The following ZBTB44 variants were observed in gnomAD, a reference collection of about 807,000 sequenced individuals.
ZBTB44 encodes the protein zinc finger and BTB domain containing 44.
ZBTB44 carries 15 observed loss-of-function variants against 54.0 expected under a neutral mutation model. That is an observed-to-expected ratio of 0.28 (90% CI 0.19 to 0.43). The LOEUF is 0.43. ZBTB44 is among the 20% of genes least tolerant of loss of function. The pLI is 1.00. For synonymous variants in ZBTB44, 230 were observed against 250.1 expected, an observed-to-expected ratio of 0.92 and a Z score of 0.76; for missense variants, 487 against 707.1, an observed-to-expected ratio of 0.69 and a Z score of 3.53.
chr11:130,306,778 A>C (rs1026597465), intron 1 of ZBTB44, among the ~76,000 whole-genome samples: 2 of 152,148 alleles, frequency 1.3e-5, no homozygotes, highest in Non-Finnish European at 2.9e-5. Flanking sequence ...ATTCTAAGTG[A>C]AGTAACTCAG....
At chr11:130,311,043 G>A (rs1942568522) in intron 1 of ZBTB44, among the ~76,000 whole-genome samples, 1 of 152,168 alleles carries the variant, frequency 6.6e-6, no homozygotes, top group African/African-American at 2.4e-5. Flanking sequence ...AGTATTTCAA[G>A]TGACTTTTGA....
At chr11:130,251,228 G>GA (rs1333990271) in intron 2 of ZBTB44, among the ~76,000 whole-genome samples, 1 of 150,050 alleles carries the variant, frequency 6.7e-6, no homozygotes, top group Non-Finnish European at 1.5e-5. Flanking sequence ...AATGAGGCAT[G>GA]AAGACAGGAT....
At chr11:130,259,570 T>C (rs1030927903) in intron 2 of ZBTB44, among the ~76,000 whole-genome samples, 3 of 152,088 alleles carry the variant, frequency 2.0e-5, no homozygotes, top group Non-Finnish European at 4.4e-5. Context: ...CTGTCAATAA[T>C]AGATTGGATA....
intron 1 of ZBTB44, among the ~76,000 whole-genome samples, chr11:130,307,725 C>G (rs1942357553): frequency 1.3e-5 from 2 of 152,074 alleles, no homozygotes; most frequent in African/African-American, 4.8e-5. Context: ...GTGGTGCAAT[C>G]TGGGCTCACT....
chr11:130,237,053 G>A lies in ZBTB44; in HGVS notation c.1308C>T (p.Phe436=). 3 of 1,597,468 alleles carry A rather than the reference G, an allele frequency of 1.9e-6. No individual in the cohort carries two copies. The highest frequency in any genetic ancestry group is 2.6e-6 in the Non-Finnish European group (3 of 1,172,530). ...PFQCDRCGKK[F]TRAYSLKMHR... ...GCATCTTTAGCGAGTAAGCCCTGGT[G>A]AACTTTTTCCCACAGCGGTCACACT... is the stretch of plus-strand genomic sequence containing the variant. Residue 436 remains phenylalanine, a synonymous_variant, in exon 5 of 8, where the codon TTC becomes TTT. Coordinates refer to ENST00000357899, the MANE Select transcript of ZBTB44 (RefSeq NM_001301098.2).
chr11:130,229,412 AG>A lies in ZBTB44; in HGVS notation c.*2351del, dbSNP rs1043663486. 1 of 152,132 alleles carries A rather than the reference AG, an allele frequency of 6.6e-6. No homozygotes were observed. The highest frequency in any genetic ancestry group is 1.5e-5 in the Non-Finnish European group (1 of 68,012). 9.4% of individuals were successfully genotyped at this position (152,132 alleles called of 1,614,324 possible). On this transcript the variant is annotated 3_prime_UTR_variant, in exon 8 of 8. Transcript: ENST00000357899. ...AAACATCCAGAGAGCGACTGTTCTT[AG>A]TTGAGCCTGGGATTGAATCAATTCC...
intron 1 of ZBTB44, chr11:130,296,262 GTTGT>G (rs1469380155): frequency 6.2e-6 from 9 of 1,454,166 alleles, no homozygotes; most frequent in Non-Finnish European, 8.4e-6. Context: ...GCAGGGATAT[GTTGT>G]TTGTCCTTCT....
chr11:130,281,895 G>A (rs189655802), intron 1 of ZBTB44, among the ~76,000 whole-genome samples: 214 of 152,226 alleles, frequency 1.4e-3, no homozygotes, highest in East Asian at 8.7e-3. Context: ...GTGAGCCACC[G>A]CGCCCGGCCT....
At chr11:130,295,523 G>C (rs1315577476) in intron 1 of ZBTB44, 2 of 707,814 alleles carry the variant, frequency 2.8e-6, no homozygotes, top group African/African-American at 3.6e-5. Context: ...GCCAGATAAT[G>C]ATGAAGATGA....
Position 130,261,729 on chromosome 11 carries a change from G to A in ZBTB44, c.145C>T (p.Leu49=), listed in dbSNP as rs780944860. 11 of 1,613,890 alleles carry A rather than the reference G, an allele frequency of 6.8e-6. No homozygotes were observed. In the South Asian group the frequency reaches 1.2e-4, roughly 18 times the overall value. ...DKIFRAHKVV[L]AACSDFFRTK... ...CGAAAGAAATCACTGCAAGCTGCTA[G>A]TACCACCTTATGTGCCCGGAAGATT... Residue 49 remains leucine (L), a synonymous_variant, in exon 2 of 8, where the codon CTA becomes TTA. Transcript: ENST00000357899. This position sits in a 1 kb window ranked among gnomAD's most constrained non-coding sequence, Gnocchi z 4.8.
chr11:130,273,369 G>A (rs950965209), intron 1 of ZBTB44, among the ~76,000 whole-genome samples: 3 of 149,358 alleles, frequency 2.0e-5, no homozygotes, highest in Admixed American at 6.7e-5. Context: ...GAGTGCAATG[G>A]TATGATCACG....
chr11:130,253,088 C>G (rs1207816780), intron 2 of ZBTB44, among the ~76,000 whole-genome samples: 3 of 152,146 alleles, frequency 2.0e-5, no homozygotes, highest in Non-Finnish European at 4.4e-5. Flanking sequence ...CTATTTATGA[C>G]AAATCCACAG....
chr11:130,313,966 A>ATATATATATATTT (rs1160244728), intron 1 of ZBTB44, among the ~76,000 whole-genome samples: 3 of 116,132 alleles, frequency 2.6e-5, no homozygotes, highest in African/African-American at 8.5e-5. Context: ...ATATATATAT[A>ATATATATATATTT]TTTTTTTAAA....
chr11:130,276,419 TTC>T (rs539523724), intron 1 of ZBTB44, among the ~76,000 whole-genome samples: 186 of 151,576 alleles, frequency 1.2e-3, no homozygotes, highest in African/African-American at 4.4e-3. Context: ...CCTTTTAATT[TTC>T]TATACGTTTC....
chr11:130,304,926 T>C (rs1028151887), intron 1 of ZBTB44, among the ~76,000 whole-genome samples: 4 of 152,144 alleles, frequency 2.6e-5, no homozygotes, highest in Admixed American at 1.3e-4. Context: ...ACAAAATTAA[T>C]GTACACAAAT....
intron 4 of ZBTB44, among the ~76,000 whole-genome samples, chr11:130,238,131 C>T (rs562717422): frequency 6.6e-6 from 1 of 152,294 alleles, no homozygotes; most frequent in South Asian, 2.1e-4. Flanking sequence ...ACCCTTTTAA[C>T]CCTATTTGCT....
intron 1 of ZBTB44, among the ~76,000 whole-genome samples, chr11:130,266,579 T>C (rs1365402284): frequency 6.6e-6 from 1 of 152,238 alleles, no homozygotes; most frequent in Non-Finnish European, 1.5e-5. Flanking sequence ...CTAGATGCCA[T>C]TAAGACTGTT....
intron 1 of ZBTB44, among the ~76,000 whole-genome samples, chr11:130,270,583 T>A (rs148988030): frequency 6.1e-4 from 93 of 152,250 alleles, no homozygotes; most frequent in African/African-American, 2.1e-3. Context: ...GGTAGCCACA[T>A]GGGAGTAGAA....
rs143642151 is a variant in ZBTB44 at position 130,275,303 on chromosome 11, G to A, written c.-56-13374C>T. On this transcript the variant is annotated intron_variant, in intron 1 of 7. Coordinates refer to ENST00000357899, the MANE Select transcript of ZBTB44 (RefSeq NM_001301098.2). ...ACATACCGTGAGTGTTTGTAATGTC[G>A]TATCTTCATTTTTATTCACCATAGA... is the stretch of plus-strand genomic sequence containing the variant. Among the ~76,000 whole-genome samples, 742 of 152,054 alleles carry A rather than the reference G, an allele frequency of 4.9e-3. 6 individuals are homozygous for A. The highest frequency in any genetic ancestry group is 0.017 in the African/African-American group (722 of 41,470).
Sources: gnomAD v4.1 joint callset for allele counts (sites outside exome capture counted in the v4.1 genomes callset) on GRCh38, gnomAD v4.1.1 for gene constraint, Gnocchi (gnomAD v3.1) non-coding constraint, MANE v1.5 for transcripts, NCBI Gene and HGNC (gene_info 2026-07-23, HGNC 2026-07-21) for gene names.